Variants in REDIC1 observed in about 807,000 individuals in gnomAD.
The protein encoded by REDIC1 is regulator of DNA class I crossover intermediates 1.
chr12:39,779,210 A>G, the REDIC1 span, among the ~76,000 whole-genome samples: 1 of 152,050 alleles, frequency 6.6e-6, no homozygotes, highest in East Asian at 1.9e-4. Context: ...AAGCCATTCA[A>G]CCTCACTGGA....
the REDIC1 span, among the ~76,000 whole-genome samples, chr12:39,890,828 C>A: frequency 6.6e-6 from 1 of 152,002 alleles, no homozygotes. Flanking sequence ...AAATTCTATA[C>A]AGCTATGAAA....
At chr12:39,700,639 T>G in the REDIC1 span, among the ~76,000 whole-genome samples, 1 of 151,916 alleles carries the variant, frequency 6.6e-6, no homozygotes, top group Non-Finnish European at 1.5e-5. Flanking sequence ...AATTGTCAGA[T>G]TCACCAAAGT....
At chr12:39,711,448 TA>T in the REDIC1 span, among the ~76,000 whole-genome samples, 10 of 48,062 alleles carry the variant, frequency 2.1e-4, no homozygotes, top group African/African-American at 4.4e-4. Context: ...TGTGTGTACA[TA>T]TATACACATA....
the REDIC1 span, among the ~76,000 whole-genome samples, chr12:39,678,626 T>TA: frequency 8.4e-5 from 1 of 11,866 alleles, no homozygotes; most frequent in Non-Finnish European, 1.7e-4. Flanking sequence ...GGAAAAGGCA[T>TA]AACAAAAAAA....
the REDIC1 span, among the ~76,000 whole-genome samples, chr12:39,897,163 T>C: frequency 6.6e-6 from 1 of 152,158 alleles, no homozygotes; most frequent in Non-Finnish European, 1.5e-5. Context: ...TTCTGCCTTC[T>C]GGTTAATTTT....
the REDIC1 span, among the ~76,000 whole-genome samples, chr12:39,881,545 A>G: frequency 1.3e-5 from 2 of 152,112 alleles, no homozygotes; most frequent in African/African-American, 4.8e-5. Context: ...GGAGTCTAAG[A>G]TTTTCAGATC....
At chr12:39,779,878 G>C in the REDIC1 span, among the ~76,000 whole-genome samples, 5 of 152,202 alleles carry the variant, frequency 3.3e-5, no homozygotes, top group African/African-American at 1.2e-4. Flanking sequence ...TCTCTGGCTC[G>C]TGTTTATCTG....
chr12:39,872,427 C>T, the REDIC1 span, among the ~76,000 whole-genome samples: 10 of 152,078 alleles, frequency 6.6e-5, no homozygotes, highest in East Asian at 1.9e-4. Flanking sequence ...AGTGAAGGAA[C>T]GCCTCAAAAA....
At chr12:39,798,041 T>A in the REDIC1 span, among the ~76,000 whole-genome samples, 3 of 152,194 alleles carry the variant, frequency 2.0e-5, no homozygotes, top group African/African-American at 7.2e-5. Flanking sequence ...AGATCAAAGA[T>A]ATGATGGTGT....
the REDIC1 span, among the ~76,000 whole-genome samples, chr12:39,789,196 G>A: frequency 6.6e-6 from 1 of 151,948 alleles, no homozygotes; most frequent in African/African-American, 2.4e-5. Flanking sequence ...ACCATCATGA[G>A]TTCTGTGTTA....
chr12:39,696,312 G>A, the REDIC1 span, among the ~76,000 whole-genome samples: 2 of 151,192 alleles, frequency 1.3e-5, no homozygotes, highest in African/African-American at 4.9e-5. Flanking sequence ...GGGAGGCCGA[G>A]GCGGGCGGAT....
At chr12:39,722,191 CTG>C in the REDIC1 span, among the ~76,000 whole-genome samples, 2 of 151,894 alleles carry the variant, frequency 1.3e-5, no homozygotes, top group African/African-American at 4.8e-5. Flanking sequence ...ACTCAAGAGT[CTG>C]TGTTGCAGAG....
the REDIC1 span, among the ~76,000 whole-genome samples, chr12:39,697,170 CTT>C: frequency 2.4e-3 from 373 of 152,298 alleles, 1 homozygote; most frequent in African/African-American, 8.1e-3. Flanking sequence ...TGGGAGCAGA[CTT>C]TGCAGTGGAA....
the REDIC1 span, among the ~76,000 whole-genome samples, chr12:39,880,156 G>A: frequency 6.6e-6 from 1 of 152,152 alleles, no homozygotes; most frequent in East Asian, 1.9e-4. Flanking sequence ...CTGGGCAGAT[G>A]CCAGCACCAT....
At chr12:39,719,286 T>A in the REDIC1 span, among the ~76,000 whole-genome samples, 4 of 152,120 alleles carry the variant, frequency 2.6e-5, no homozygotes, top group Non-Finnish European at 4.4e-5. Flanking sequence ...ACATTTTAAA[T>A]GTGTATGCAT....
chr12:39,658,779 C>T, the REDIC1 span, among the ~76,000 whole-genome samples: 1 of 151,908 alleles, frequency 6.6e-6, no homozygotes, highest in Non-Finnish European at 1.5e-5. Context: ...ATTAATGTAT[C>T]ACAGATTATC....
the REDIC1 span, among the ~76,000 whole-genome samples, chr12:39,656,711 T>C: frequency 6.5e-4 from 99 of 152,218 alleles, no homozygotes; most frequent in Middle Eastern, 3.4e-3. Flanking sequence ...TGGGACAAGA[T>C]GGGGAAGTGA....
At chr12:39,840,591 G>C in the REDIC1 span, among the ~76,000 whole-genome samples, 3 of 151,868 alleles carry the variant, frequency 2.0e-5, no homozygotes, top group Non-Finnish European at 2.9e-5. Context: ...GTTTTCTCTG[G>C]ATGTTACTTT....
the REDIC1 span, among the ~76,000 whole-genome samples, chr12:39,843,867 A>G: frequency 6.6e-6 from 1 of 152,032 alleles, no homozygotes; most frequent in African/African-American, 2.4e-5. Flanking sequence ...ACTTATTTCT[A>G]TATCATCCTG....
Sources: gnomAD v4.1 joint callset for allele counts (sites outside exome capture counted in the v4.1 genomes callset) on GRCh38, gnomAD v4.1.1 for gene constraint, MANE v1.5 for transcripts, NCBI Gene and HGNC (gene_info 2026-07-23, HGNC 2026-07-21) for gene names.